ROBO2: variants seen among roughly 807,000 people sequenced by gnomAD.
ROBO2 encodes roundabout guidance receptor 2.
ROBO2 carries 53 observed loss-of-function variants against 160.8 expected under a neutral mutation model. The ratio of observed to expected loss-of-function variants is 0.33; its 90% CI spans 0.26 to 0.41. The LOEUF (loss-of-function observed/expected upper bound fraction) is 0.41. ROBO2 is among the 10% of genes least tolerant of loss of function. The pLI is 1.00. For missense variants in ROBO2, 1,577 were observed against 1,722.4 expected (o/e 0.92, Z 1.49); for synonymous variants, 664 against 611.7 (o/e 1.09, Z -1.26).
chr3:77,311,226 T>G (rs2153422462), intron 2 of ROBO2, among the ~76,000 whole-genome samples: 1 of 152,328 alleles, frequency 6.6e-6, no homozygotes, highest in African/African-American at 2.4e-5. Flanking sequence ...TTGTTTCTGG[T>G]TTTTGCTAAA....
chr3:77,418,083 TA>T (rs1338370978), intron 2 of ROBO2, among the ~76,000 whole-genome samples: 1 of 152,154 alleles, frequency 6.6e-6, no homozygotes, highest in African/African-American at 2.4e-5. Flanking sequence ...AGTGATTTCT[TA>T]AAAAAATCTT....
intron 2 of ROBO2, among the ~76,000 whole-genome samples, chr3:76,068,865 A>T (rs1168999264): frequency 6.6e-6 from 1 of 152,144 alleles, no homozygotes; most frequent in Non-Finnish European, 1.5e-5. Flanking sequence ...GACATAGGTA[A>T]TCATTGACTT....
chr3:77,559,266 C>T (rs2093239834), intron 9 of ROBO2, among the ~76,000 whole-genome samples: 1 of 152,080 alleles, frequency 6.6e-6, no homozygotes, highest in Admixed American at 6.6e-5. Flanking sequence ...CCCACTTACA[C>T]TCCAGGTGAG....
chr3:77,205,506 A>G (rs2083344860), intron 2 of ROBO2, among the ~76,000 whole-genome samples: 1 of 151,810 alleles, frequency 6.6e-6, no homozygotes, highest in Non-Finnish European at 1.5e-5. Flanking sequence ...TTATGTGGGT[A>G]CAGGATGGGG....
chr3:76,444,111 A>G (rs1367808306), intron 2 of ROBO2, among the ~76,000 whole-genome samples: 2 of 151,938 alleles, frequency 1.3e-5, no homozygotes, highest in Non-Finnish European at 2.9e-5. Flanking sequence ...GATTATAGGC[A>G]TGCGCCACCA....
chr3:77,140,630 A>T (rs2076627557), intron 2 of ROBO2, among the ~76,000 whole-genome samples: 1 of 152,142 alleles, frequency 6.6e-6, no homozygotes, highest in African/African-American at 2.4e-5. Flanking sequence ...GGGTATTTGA[A>T]TTTCTGACCA....
chr3:76,276,492 T>C lies in ROBO2; in HGVS notation c.109+338890T>C, dbSNP rs1425342275. 3.9e-5 allele frequency among the ~76,000 whole-genome samples: 6 copies of C among 152,006 alleles called. No individual in the cohort carries two copies. The East Asian group carries it at 1.2e-3, about 29-fold the overall frequency. ...ATCAAACTGAGCTGGTTTACAGTCA[T>C]TTTTTTCTTTTGCACAAATTATAAC... is the stretch of plus-strand genomic sequence containing the variant. On this transcript the variant is annotated intron_variant, in intron 2 of 26. Coordinates refer to the ROBO2 transcript ENST00000487694.
At chr3:77,184,329 C>T (rs550465448) in intron 2 of ROBO2, among the ~76,000 whole-genome samples, 231 of 152,026 alleles carry the variant, frequency 1.5e-3, no homozygotes, top group African/African-American at 5.1e-3. Context: ...AGCAGCTATG[C>T]GTGAAGCACT....
chr3:76,096,089 G>A (rs879327874), intron 2 of ROBO2, among the ~76,000 whole-genome samples: 5 of 151,994 alleles, frequency 3.3e-5, no homozygotes, highest in African/African-American at 9.7e-5. Context: ...GACAGGCCTC[G>A]TAAGCAATAA....
intron 2 of ROBO2, among the ~76,000 whole-genome samples, chr3:75,937,938 G>C (rs994469883): frequency 6.7e-6 from 1 of 148,730 alleles, no homozygotes; most frequent in African/African-American, 2.5e-5. Flanking sequence ...GTATGAGTTT[G>C]TGTTTGTGGT....
chr3:75,938,916 A>G lies in ROBO2; in HGVS notation c.109+1314A>G, dbSNP rs551024009. 4.6e-5 allele frequency among the ~76,000 whole-genome samples: 7 copies of G among 152,312 alleles called. No homozygotes were observed. The East Asian group carries it at 1.3e-3, about 29-fold the overall frequency. ...TTCTTTTTTGTGATAAAACTAATGT[A>G]AAATATATTTAATACACATAGTAGT... On this transcript the variant is annotated intron_variant, in intron 2 of 26. Coordinates refer to the ROBO2 transcript ENST00000487694.
intron 2 of ROBO2, among the ~76,000 whole-genome samples, chr3:76,210,601 A>T (rs1402672074): frequency 6.6e-6 from 1 of 152,172 alleles, no homozygotes; most frequent in Admixed American, 6.5e-5. Flanking sequence ...AAACAGAGTT[A>T]ATAAATATAA....
chr3:77,250,679 T>C (rs939337723), intron 2 of ROBO2, among the ~76,000 whole-genome samples: 24 of 152,344 alleles, frequency 1.6e-4, no homozygotes, highest in African/African-American at 5.8e-4. Context: ...TGGCTCGCAG[T>C]TCTGGAGTTT....
At chr3:77,080,817 T>C (rs2068576723) in intron 1 of ROBO2, among the ~76,000 whole-genome samples, 1 of 152,162 alleles carries the variant, frequency 6.6e-6, no homozygotes, top group Admixed American at 6.6e-5. Context: ...CATAAATATA[T>C]AGTTATTTGG....
chr3:77,453,850 A>G (rs2081350884), intron 2 of ROBO2, among the ~76,000 whole-genome samples: 1 of 152,114 alleles, frequency 6.6e-6, no homozygotes, highest in Admixed American at 6.6e-5. Flanking sequence ...CAAAATCAAA[A>G]CCAAATAACA....
At chr3:76,093,786 A>G (rs1202174616) in intron 2 of ROBO2, among the ~76,000 whole-genome samples, 1 of 152,114 alleles carries the variant, frequency 6.6e-6, no homozygotes, top group African/African-American at 2.4e-5. Context: ...AAAACATGGT[A>G]GAGTCAATGA....
At chr3:77,055,057 A>G (rs2065603998) in intron 1 of ROBO2, among the ~76,000 whole-genome samples, 1 of 151,398 alleles carries the variant, frequency 6.6e-6, no homozygotes, top group Admixed American at 6.6e-5. Context: ...ATAAGTAGAG[A>G]AACACTCATT....
intron 2 of ROBO2, among the ~76,000 whole-genome samples, chr3:77,140,717 A>C (rs2076634464): frequency 6.6e-6 from 1 of 152,186 alleles, no homozygotes; most frequent in Admixed American, 6.5e-5. Context: ...TGAGGTTAAA[A>C]TTTAGCCCAG....
chr3:76,760,610 T>C (rs1289111570), intron 2 of ROBO2, among the ~76,000 whole-genome samples: 1 of 151,810 alleles, frequency 6.6e-6, no homozygotes, highest in East Asian at 2.0e-4. Flanking sequence ...CATATTCAAC[T>C]ACTAACCTTT....
Sources: allele counts gnomAD v4.1 joint callset (sites outside exome capture counted in the v4.1 genomes callset), GRCh38; gene constraint gnomAD v4.1.1; transcripts MANE v1.5; gene names NCBI Gene and HGNC (gene_info 2026-07-23, HGNC 2026-07-21).